The following SLC9C1 variants were observed in gnomAD, a reference collection of about 807,000 sequenced individuals.
SLC9C1 encodes sodium/hydrogen exchanger 10.
In SLC9C1, 97 loss-of-function variants were observed where a neutral mutation model predicts 140.9. That is an observed-to-expected ratio of 0.69 (90% confidence interval 0.58 to 0.82). The LOEUF (loss-of-function observed/expected upper bound fraction) is 0.82. SLC9C1 is among the 40% of genes least tolerant of loss of function. SLC9C1 has a pLI of 0.00. For synonymous variants in SLC9C1, 440 were observed against 442.6 expected, an observed-to-expected ratio of 0.99 and a Z score of 0.07; for missense variants, 1,340 against 1,389.3, an observed-to-expected ratio of 0.96 and a Z score of 0.56.
chr3:112,268,701 T>C (rs1043175293), intron 7 of SLC9C1, among the ~76,000 whole-genome samples: 1 of 152,254 alleles, frequency 6.6e-6, no homozygotes, highest in Non-Finnish European at 1.5e-5. Context: ...CTAACCATTT[T>C]TTCTTTTAAA....
At chr3:112,245,283 CTG>C (rs1440610599) in intron 10 of SLC9C1, among the ~76,000 whole-genome samples, 16 of 152,076 alleles carry the variant, frequency 1.1e-4, no homozygotes, top group African/African-American at 3.9e-4. Flanking sequence ...GAAGAAGTGT[CTG>C]TTCAAATATG....
At chr3:112,273,858 T>G (rs1186347255) in intron 6 of SLC9C1, among the ~76,000 whole-genome samples, 2 of 151,992 alleles carry the variant, frequency 1.3e-5, no homozygotes, top group African/African-American at 4.8e-5. Flanking sequence ...TGGATTAGAA[T>G]ATGTTGTGGA....
chr3:112,249,490 G>C (rs1455409819), intron 10 of SLC9C1, among the ~76,000 whole-genome samples: 2 of 152,056 alleles, frequency 1.3e-5, no homozygotes, highest in African/African-American at 4.8e-5. Context: ...AGTTAGAGAG[G>C]AGTCTATTCT....
chr3:112,249,340 G>C (rs2079383309), intron 10 of SLC9C1, among the ~76,000 whole-genome samples: 1 of 150,532 alleles, frequency 6.6e-6, no homozygotes, highest in African/African-American at 2.4e-5. Context: ...TTTGTTGCTG[G>C]ATTGGGTATG....
chr3:112,203,479 T>C (rs1301098756), intron 17 of SLC9C1, among the ~76,000 whole-genome samples: 2 of 152,052 alleles, frequency 1.3e-5, no homozygotes, highest in Non-Finnish European at 1.5e-5. Flanking sequence ...GTAGCAAAAA[T>C]GTTTTAAATT....
At chr3:112,208,111 A>G (rs2078106379) in intron 16 of SLC9C1, 67 bp downstream of exon 16, 2 of 1,287,562 alleles carry the variant, frequency 1.6e-6, no homozygotes, top group African/African-American at 3.1e-5. Context: ...TGGTGTTGAA[A>G]AACAAGGCTA....
chr3:112,150,740 T>C (rs1414727515), intron 28 of SLC9C1, among the ~76,000 whole-genome samples: 1 of 145,338 alleles, frequency 6.9e-6, no homozygotes, highest in Non-Finnish European at 1.5e-5. Flanking sequence ...AAGAAATATA[T>C]ATATATATAA....
intron 7 of SLC9C1, among the ~76,000 whole-genome samples, chr3:112,268,750 C>A (rs1190267956): frequency 6.6e-6 from 1 of 152,096 alleles, no homozygotes; most frequent in Non-Finnish European, 1.5e-5. Context: ...TTAGCTAGAG[C>A]CTTCAGAATT....
chr3:112,280,642 T>C, intron 3 of SLC9C1, 41 bp downstream of exon 3: 1 of 1,507,200 alleles, frequency 6.6e-7, no homozygotes, highest in Non-Finnish European at 8.9e-7. Context: ...TTTATATAAT[T>C]CTCAAATAAA....
chr3:112,273,019 G>A (rs544091943), intron 6 of SLC9C1, among the ~76,000 whole-genome samples: 49 of 152,150 alleles, frequency 3.2e-4, no homozygotes, highest in African/African-American at 1.1e-3. Flanking sequence ...CTGAAAATCC[G>A]TGGTCAGTAT....
intron 23 of SLC9C1, among the ~76,000 whole-genome samples, chr3:112,176,850 T>C (rs1407483549): frequency 6.6e-6 from 1 of 152,122 alleles, no homozygotes; most frequent in African/African-American, 2.4e-5. Context: ...TTGTTAGGTC[T>C]TAGAATAAGA....
intron 12 of SLC9C1, among the ~76,000 whole-genome samples, chr3:112,234,533 T>C (rs944607872): frequency 2.6e-5 from 4 of 152,212 alleles, no homozygotes; most frequent in Non-Finnish European, 4.4e-5. Context: ...TTTGGTGTTT[T>C]AGACATGAAG....
chr3:112,170,619 A>G (rs2077228208), intron 23 of SLC9C1, among the ~76,000 whole-genome samples: 1 of 152,218 alleles, frequency 6.6e-6, no homozygotes, highest in East Asian at 1.9e-4. Context: ...AGATAAATAT[A>G]TGCATCTATA....
intron 26 of SLC9C1, among the ~76,000 whole-genome samples, chr3:112,161,040 ATG>A (rs2075282688): frequency 6.6e-6 from 1 of 152,056 alleles, no homozygotes; most frequent in Non-Finnish European, 1.5e-5. Flanking sequence ...GCATTTTTTC[ATG>A]TGTTTTTTGG....
intron 26 of SLC9C1, among the ~76,000 whole-genome samples, chr3:112,157,452 T>A (rs1481903873): frequency 1.3e-5 from 2 of 152,232 alleles, no homozygotes; most frequent in Admixed American, 1.3e-4. Flanking sequence ...TCGGGTAATG[T>A]GATGCCTCTG....
intron 20 of SLC9C1, among the ~76,000 whole-genome samples, chr3:112,183,591 A>C (rs1288784159): frequency 6.7e-6 from 1 of 149,972 alleles, no homozygotes; most frequent in African/African-American, 2.5e-5. Flanking sequence ...CTGAGAGGCC[A>C]GGGAAACCAA....
At position 112,205,185 on chromosome 3, in the gene SLC9C1, A is replaced by G. The variant is rs184833206; in HGVS notation, c.1987-782T>C. On this transcript the variant is annotated intron_variant, in intron 16 of 28. Transcript: ENST00000305815. The stretch of plus-strand genomic sequence containing the variant: ...CTCAGCCCAAAATCTCCTTAAGCTC[A>G]TAAGCAACTTCAGCAAAGTCTCAGG... Among the ~76,000 whole-genome samples the G allele has an allele frequency of 9.2e-3, 1,394 of 152,156 alleles. 21 individuals carry two copies. Among genetic ancestry groups the G allele is most frequent in the South Asian group, 0.074 (355 of 4,802 alleles).
At chr3:112,235,325 G>T (rs1267898135) in intron 12 of SLC9C1, among the ~76,000 whole-genome samples, 1 of 145,906 alleles carries the variant, frequency 6.9e-6, no homozygotes, top group Admixed American at 7.1e-5. Flanking sequence ...CATTGATTTT[G>T]TATCCTGAGA....
intron 12 of SLC9C1, 68 bp from the exon 13 acceptor site, chr3:112,231,554 A>G (rs1433960091): frequency 2.0e-6 from 3 of 1,472,398 alleles, no homozygotes; most frequent in Admixed American, 2.2e-5. Flanking sequence ...CAAAATCCAC[A>G]AGCAATTTTT....
Sources: allele counts gnomAD v4.1 joint callset (sites outside exome capture counted in the v4.1 genomes callset), GRCh38; gene constraint gnomAD v4.1.1; transcripts MANE v1.5; gene names NCBI Gene and HGNC (gene_info 2026-07-23, HGNC 2026-07-21).